The following TPR variants were observed in gnomAD, a reference collection of about 807,000 sequenced individuals.
The protein encoded by TPR is nucleoprotein TPR.
Under a neutral mutation model 316.1 loss-of-function variants are expected in TPR, and 51 were observed. The observed-to-expected ratio is 0.16, with a 90% confidence interval of 0.13 to 0.20. The LOEUF is 0.20. TPR is among the 10% of genes least tolerant of loss of function. The probability of loss-of-function intolerance (pLI) is 1.00; values close to 1 mark genes in which losing one functional copy is unlikely to be tolerated. For missense variants in TPR, 2,272 were observed against 2,754.8 expected (o/e 0.82, Z 3.92); for synonymous variants, 981 against 914.7 (o/e 1.07, Z -1.31).
intron 49 of TPR, 119 bp from the exon 50 acceptor site, chr1:186,314,843 C>A: frequency 3.6e-6 from 2 of 554,702 alleles, no homozygotes; most frequent in East Asian, 3.4e-5. Context: ...CATTTGATTT[C>A]AATTCTTTTT....
At position 186,313,045 on chromosome 1, in the gene TPR, T is replaced by C. The variant is rs1349018821; in HGVS notation, c.*926A>G. 13 of 821,366 alleles carry C rather than the reference T, an allele frequency of 1.6e-5. No individual in the cohort carries two copies. The highest frequency in any genetic ancestry group is 2.1e-5 in the Non-Finnish European group (11 of 516,502). The allele number at this position is 821,366 out of a possible 1,614,324, so 50.9% of individuals were successfully genotyped here. A position where few individuals can be genotyped will look rare whatever the true frequency, so the allele number is the denominator to read the frequency against. ...TGCTGTGGAAAAGAGTTAAGACTTT[T>C]GCTTTAATTTCAATTAAAATGATGG... On this transcript the variant is annotated 3_prime_UTR_variant, in exon 51 of 51. Coordinates refer to ENST00000367478, the MANE Select transcript of TPR (RefSeq NM_003292.3).
Position 186,375,016 on chromosome 1 carries a change from A to T in TPR, c.13T>A (p.Leu5Met). The change falls in exon 1 of 51, where the codon TTG becomes ATG. Residue 5 changes from leucine to methionine, a missense_variant. Leu to Met is a conservative substitution (Grantham distance 15). Around this residue, in one of 10 missense-constraint regions of TPR, gnomAD observed 549 missense variants for 598.6 expected, o/e 0.92. Transcript: ENST00000367478. ...TCCGTGCGCTCCAGGACTTGCTGCAACACCGCCGCCATGTCGGTGGGGCCA... is the reference window on the plus strand; with the variant it reads ...TCCGTGCGCTCCAGGACTTGCTGCATCACCGCCGCCATGTCGGTGGGGCCA... MAAVLQQVLERTELN... is the reference protein window; with the variant it reads MAAVMQQVLERTELN... 3 of 1,613,880 alleles carry T rather than the reference A, an allele frequency of 1.9e-6. No individual in the cohort carries two copies. Among genetic ancestry groups the T allele is most frequent in the Non-Finnish European group, 2.5e-6 (3 of 1,179,982 alleles).
Position 186,320,365 on chromosome 1 carries a change from A to G in TPR, c.6515T>C (p.Met2172Thr). Residue 2172 changes from methionine to threonine, a missense_variant, in exon 46 of 51, where the codon ATG (methionine) becomes ACG (threonine). By Grantham distance (81) the Met-to-Thr change is moderately conservative. This residue lies in a region of TPR where 88 missense variants were observed against 176.2 expected (regional missense o/e 0.50). Coordinates refer to ENST00000367478, the MANE Select transcript of TPR (RefSeq NM_003292.3). Reference protein sequence around the residue: ...PRFRFGPPEDMPQTSSSHSDL... With the variant: ...PRFRFGPPEDTPQTSSSHSDL... ...AGAGTGACTAGAACTTGTTTGTGGCATATCTTCAGGTGGCCCAAACCGGAA... is the reference window on the plus strand; with the variant it reads ...AGAGTGACTAGAACTTGTTTGTGGCGTATCTTCAGGTGGCCCAAACCGGAA... The G allele has an allele frequency of 6.2e-7, 1 of 1,613,354 alleles. No individual in the cohort carries two copies. The highest frequency in any genetic ancestry group is 8.5e-7 in the Non-Finnish European group (1 of 1,179,532).
intron 50 of TPR, 71 bp downstream of exon 50, chr1:186,314,558 G>T: frequency 1.7e-6 from 2 of 1,201,422 alleles, no homozygotes; most frequent in Non-Finnish European, 2.3e-6. Context: ...GAGGCTTAAG[G>T]ATTAGAAAAC....
In TPR at chr1:186,344,418, A is replaced by C; in HGVS notation, c.3374T>G (p.Leu1125Trp). ...ETTQKAESQL[L>W]ECKASWEERE... ...TTCCTCCCAAGATGCTTTACACTCC[A>C]ACAACTGTGATTCTGCTTTCTGTGT... Residue 1125 changes from leucine to tryptophan, a missense_variant, in exon 25 of 51, where the codon TTG (leucine) becomes TGG (tryptophan). Physicochemically the swap from Leu to Trp is moderately conservative, Grantham distance 61 (BLOSUM62 -2). This residue lies in a region of TPR where 757 missense variants were observed against 859.8 expected (regional missense o/e 0.88). Transcript: ENST00000367478. The C allele has an allele frequency of 1.2e-6, 2 of 1,614,128 alleles. No individual in the cohort carries two copies. The highest frequency in any genetic ancestry group is 1.7e-6 in the Non-Finnish European group (2 of 1,179,986).
intron 22 of TPR, among the ~76,000 whole-genome samples, chr1:186,346,755 TTA>T (rs1214903321): frequency 1.3e-5 from 2 of 152,136 alleles, no homozygotes; most frequent in African/African-American, 4.8e-5. Flanking sequence ...AAAAATCTGA[TTA>T]TGACATGTTA....
At chr1:186,354,896 T>C (rs1454381580) in intron 17 of TPR, among the ~76,000 whole-genome samples, 1 of 137,790 alleles carries the variant, frequency 7.3e-6, no homozygotes, top group Non-Finnish European at 1.7e-5. Flanking sequence ...AACTTCAACT[T>C]ATTTTTATTT....
At chr1:186,329,708 A>G (rs1368230501) in intron 39 of TPR, among the ~76,000 whole-genome samples, 1 of 152,156 alleles carries the variant, frequency 6.6e-6, no homozygotes, top group African/African-American at 2.4e-5. Flanking sequence ...CTGAAGATTT[A>G]GTTTAGTGTT....
At chr1:186,350,163 T>C (rs900926261) in intron 21 of TPR, 60 bp downstream of exon 21, 4 of 1,421,554 alleles carry the variant, frequency 2.8e-6, no homozygotes, top group South Asian at 2.9e-5. Context: ...ACAGGATATA[T>C]TATAATCCCA....
At chr1:186,334,235 T>C (rs773421246) in intron 36 of TPR, 90 bp downstream of exon 36, 20 of 1,311,470 alleles carry the variant, frequency 1.5e-5, no homozygotes, top group Non-Finnish European at 1.9e-5. Context: ...TCAGCTGTAG[T>C]GGATGCTTCA....
At chr1:186,339,200 T>G (rs538405658) in intron 30 of TPR, among the ~76,000 whole-genome samples, 25 of 152,152 alleles carry the variant, frequency 1.6e-4, no homozygotes, top group African/African-American at 6.0e-4. Context: ...GAGGCAGAAG[T>G]GGGAGGACAG....
At chr1:186,333,542 AT>A in intron 36 of TPR, 148 bp from the exon 37 acceptor site, 1 of 896,882 alleles carries the variant, frequency 1.1e-6, no homozygotes, top group Non-Finnish European at 1.6e-6. Context: ...TGTATTATGC[AT>A]TTTTATATTC....
At chr1:186,323,904 T>C in intron 42 of TPR, 34 bp from the exon 43 acceptor site, 1 of 1,514,872 alleles carries the variant, frequency 6.6e-7, no homozygotes, top group Non-Finnish European at 8.7e-7. Flanking sequence ...TTTGAACTGC[T>C]AAATTTACCA....
chr1:186,340,280 T>C (rs540740066), intron 29 of TPR, among the ~76,000 whole-genome samples: 3 of 152,222 alleles, frequency 2.0e-5, no homozygotes, highest in Admixed American at 6.5e-5. Context: ...ATATAAATAA[T>C]ACATGCAAGG....
chr1:186,313,535 T>C lies in TPR; in HGVS notation c.*436A>G, dbSNP rs565103771. ...AAAAGTCTAGGCAATTGTTTTTCTT[T>C]TTGTTATAAAGTTCAAATTAATTAG... On this transcript the variant is annotated 3_prime_UTR_variant, in exon 51 of 51. Transcript: ENST00000367478. The C allele has an allele frequency of 6.8e-5, 40 of 588,618 alleles. 1 individual carries two copies. Among genetic ancestry groups the C allele is most frequent in the South Asian group, 5.1e-4 (23 of 45,072 alleles). The allele number at this position is 588,618 out of a possible 1,614,324, so 36.5% of individuals were successfully genotyped here.
intron 23 of TPR, 72 bp downstream of exon 23, chr1:186,346,063 A>G (rs1212511910): frequency 6.7e-7 from 1 of 1,490,746 alleles, no homozygotes; most frequent in Non-Finnish European, 9.0e-7. Context: ...CTAAATGGCA[A>G]CTAATGACTT....
intron 21 of TPR, 78 bp downstream of exon 21, chr1:186,350,145 A>C (rs1049015442): frequency 6.9e-5 from 90 of 1,298,844 alleles, no homozygotes; most frequent in Non-Finnish European, 9.2e-5. Flanking sequence ...GAATTAGGCT[A>C]TTTACTGACA....
At chr1:186,319,453 G>T (rs1657709739) in intron 46 of TPR, among the ~76,000 whole-genome samples, 1 of 152,100 alleles carries the variant, frequency 6.6e-6, no homozygotes, top group South Asian at 2.1e-4. Flanking sequence ...AATTACCAAG[G>T]TTACTAAGCT....
Position 186,357,389 on chromosome 1 carries a change from C to G in TPR, c.1724+8G>C. 6.2e-7 allele frequency: 1 copy of G among 1,613,072 alleles called. No homozygotes were observed. The highest frequency in any genetic ancestry group is 8.5e-7 in the Non-Finnish European group (1 of 1,179,472). On this transcript the variant is annotated splice_region_variant and intron_variant, in intron 14 of 50. Transcript: ENST00000367478. ...TTGCTCAACAAGCTGAGGTATGTGA[C>G]TACTTACTTGGATGAAGTTGTTTCT...
Sources: gnomAD v4.1 joint callset for allele counts (sites outside exome capture counted in the v4.1 genomes callset) on GRCh38, gnomAD v4.1.1 for gene constraint, gnomAD v4.1.1 regional missense constraint, MANE v1.5 for transcripts, NCBI Gene and HGNC (gene_info 2026-07-23, HGNC 2026-07-21) for gene names.